UMPS: variants seen among roughly 807,000 people sequenced by gnomAD.
UMPS encodes uridine monophosphate synthetase.
In UMPS, 21 loss-of-function variants were observed where a neutral mutation model predicts 38.9. The ratio of observed to expected loss-of-function variants is 0.54; its 90% confidence interval spans 0.38 to 0.78. The LOEUF (loss-of-function observed/expected upper bound fraction) is 0.78. Ranked by LOEUF, UMPS falls within the 30% of genes least tolerant of loss-of-function variation. The pLI, the probability that UMPS is intolerant of heterozygous loss-of-function variation, is 0.00. For synonymous variants in UMPS, 208 were observed against 219.3 expected, an observed-to-expected ratio of 0.95 and a Z score of 0.45; for missense variants, 533 against 591.6, an observed-to-expected ratio of 0.90 and a Z score of 1.03.
chr3:124,746,474 AG>A lies in UMPS; in HGVS notation c.*2392del, dbSNP rs754732703. On this transcript the variant is annotated 3_prime_UTR_variant, in exon 6 of 6. Transcript: ENST00000232607. The stretch of plus-strand genomic sequence containing the variant: ...TCCCAGTCTGGCATCAAAGCTTTAG[AG>A]GACAAGTTGATTCAGGCAGAGAAGA... 4.4e-6 allele frequency: 2 copies of A among 453,214 alleles called. No individual in the cohort carries two copies. Among genetic ancestry groups the A allele is most frequent in the Admixed American group, 2.4e-5 (1 of 42,546 alleles). The allele number at this position is 453,214 out of a possible 1,614,324, so 28.1% of individuals were successfully genotyped here. A position where few individuals can be genotyped will look rare whatever the true frequency, so the allele number is the denominator to read the frequency against.
intron 3 of UMPS, chr3:124,738,858 C>G (rs1422971351): frequency 6.5e-6 from 1 of 152,694 alleles, no homozygotes; most frequent in African/African-American, 2.4e-5. Flanking sequence ...GTTCTACTGC[C>G]TATTCTATGC....
Position 124,742,275 on chromosome 3 carries a change from G to A in UMPS, c.1273+9G>A, listed in dbSNP as rs1403048276. ...TCAGTTGGAAGCAGGAGGTAAATCTGGTCACTGGTCGTGGCTCTTCCAAAA... is the reference window on the plus strand; with the variant it reads ...TCAGTTGGAAGCAGGAGGTAAATCTAGTCACTGGTCGTGGCTCTTCCAAAA... On this transcript the variant is annotated intron_variant, in intron 5 of 5. Transcript: ENST00000232607. 6.2e-7 allele frequency: 1 copy of A among 1,602,854 alleles called. No homozygotes were observed. Among genetic ancestry groups the A allele is most frequent in the South Asian group, 1.1e-5 (1 of 90,886 alleles).
In UMPS at chr3:124,744,484, G is replaced by A. The variant is rs763689895; in HGVS notation, c.*400G>A. The A allele has an allele frequency of 1.3e-5, 6 of 454,030 alleles. No homozygotes were observed. Among genetic ancestry groups the A allele is most frequent in the South Asian group, 4.7e-5 (3 of 64,468 alleles). 28.1% of individuals were successfully genotyped at this position (454,030 alleles called of 1,614,324 possible). A position where few individuals can be genotyped will look rare whatever the true frequency, so the allele number is the denominator to read the frequency against. ...GGATGGAGTGCAGTGGTGAGATCACGGCTCATTGCAGCCTCGACCTCCCAG... is the reference window on the plus strand; with the variant it reads ...GGATGGAGTGCAGTGGTGAGATCACAGCTCATTGCAGCCTCGACCTCCCAG... On this transcript the variant is annotated 3_prime_UTR_variant, in exon 6 of 6. Coordinates refer to ENST00000232607, the MANE Select transcript of UMPS (RefSeq NM_000373.4).
Position 124,744,576 on chromosome 3 carries a change from A to G in UMPS, c.*492A>G, listed in dbSNP as rs1466452464. 1 of 453,742 alleles carries G rather than the reference A, an allele frequency of 2.2e-6. No individual in the cohort carries two copies. Among genetic ancestry groups the G allele is most frequent in the Non-Finnish European group, 4.4e-6 (1 of 226,694 alleles). The allele number at this position is 453,742 out of a possible 1,614,324, so 28.1% of individuals were successfully genotyped here. ...GGCATGCACCACCACGTCCATCTAA[A>G]TTTCTTTATTATTTGTAGAGATGAG... On this transcript the variant is annotated 3_prime_UTR_variant, in exon 6 of 6. Transcript: ENST00000232607.
Position 124,744,162 on chromosome 3 carries a change from A to G in UMPS, c.*78A>G, listed in dbSNP as rs767861757. The G allele has an allele frequency of 1.3e-6, 2 of 1,545,222 alleles. No individual in the cohort carries two copies. Among genetic ancestry groups the G allele is most frequent in the Non-Finnish European group, 1.8e-6 (2 of 1,123,870 alleles). Reference sequence around the variant, plus strand: ...TCCTCCTGAAAGTCACTGGCTGGAAATAATCCAATTATTCCTGCTTGGATT... The same window carrying G: ...TCCTCCTGAAAGTCACTGGCTGGAAGTAATCCAATTATTCCTGCTTGGATT... On this transcript the variant is annotated 3_prime_UTR_variant, in exon 6 of 6. Coordinates refer to ENST00000232607, the MANE Select transcript of UMPS (RefSeq NM_000373.4).
At chr3:124,731,880 G>GAAAA (rs61322671) in intron 1 of UMPS, among the ~76,000 whole-genome samples, 2 of 121,496 alleles carry the variant, frequency 1.6e-5, no homozygotes, top group African/African-American at 3.2e-5. Context: ...GACTGTCTCA[G>GAAAA]AAAAAAAAAA....
chr3:124,742,416 C>A, intron 5 of UMPS, 150 bp downstream of exon 5: 1 of 664,760 alleles, frequency 1.5e-6, no homozygotes, highest in African/African-American at 1.8e-5. Context: ...AACTATGTAT[C>A]TTTGGACAAG....
At position 124,737,650 on chromosome 3, in the gene UMPS, T is replaced by C; in HGVS notation, c.393T>C (p.Ser131=). 6 of 1,614,242 alleles carry C rather than the reference T, an allele frequency of 3.7e-6. No individual in the cohort carries two copies. The East Asian group carries it at 1.3e-4, about 36-fold the overall frequency. ...IIEDVVTSGS[S]VLETVEVLQK... ...AAGATGTTGTCACCAGTGGATCTAG[T>C]GTTTTGGAAACTGTTGAGGTTCTTC... Residue 131 remains serine, a synonymous_variant, in exon 3 of 6, where the codon AGT becomes AGC. Coordinates refer to ENST00000232607, the MANE Select transcript of UMPS (RefSeq NM_000373.4).
At position 124,737,584 on chromosome 3, in the gene UMPS, A is replaced by G; in HGVS notation, c.327A>G (p.Val109=). 6.2e-7 allele frequency: 1 copy of G among 1,614,206 alleles called. No individual in the cohort carries two copies. The highest frequency in any genetic ancestry group is 8.5e-7 in the Non-Finnish European group (1 of 1,180,032). The part of the protein sequence containing the change: ...ETKDYGTKRL[V]EGTINPGETC... Reference sequence around the variant, plus strand: ...CTTTTCTAGGAACTAAGCGTCTTGTAGAAGGAACTATTAATCCAGGAGAAA... The same window carrying G: ...CTTTTCTAGGAACTAAGCGTCTTGTGGAAGGAACTATTAATCCAGGAGAAA... Residue 109 remains valine, a synonymous_variant, in exon 3 of 6, where the codon GTA becomes GTG. Transcript: ENST00000232607.
intron 4 of UMPS, among the ~76,000 whole-genome samples, 192 bp downstream of exon 4, chr3:124,740,391 G>A (rs954358973): frequency 6.6e-6 from 1 of 152,142 alleles, no homozygotes; most frequent in Non-Finnish European, 1.5e-5. Context: ...TCATGTAGTG[G>A]ACACTTCAGG....
chr3:124,747,798 T>G lies in UMPS; in HGVS notation c.*3714T>G, dbSNP rs1463668202. 2 of 450,382 alleles carry G rather than the reference T, an allele frequency of 4.4e-6. No individual in the cohort carries two copies. The highest frequency in any genetic ancestry group is 4.0e-5 in the African/African-American group (2 of 49,946). 27.9% of individuals were successfully genotyped at this position (450,382 alleles called of 1,614,324 possible). On this transcript the variant is annotated 3_prime_UTR_variant, in exon 6 of 6. Coordinates refer to ENST00000232607, the MANE Select transcript of UMPS (RefSeq NM_000373.4). ...TGCCTTCCCAACCATCACCTCTGGC[T>G]GCATCAGCGATCTCTCCCAGCGAAA...
intron 2 of UMPS, chr3:124,737,079 T>G (rs2063523001): frequency 6.4e-6 from 1 of 155,782 alleles, no homozygotes; most frequent in African/African-American, 2.4e-5. Flanking sequence ...TTTCATAACT[T>G]TCCTTGATCT....
chr3:124,740,262 A>C, intron 4 of UMPS, 63 bp downstream of exon 4: 1 of 1,496,784 alleles, frequency 6.7e-7, no homozygotes. Flanking sequence ...CTGCAAGAAG[A>C]TATCTCCTAA....
rs1175132535 is a variant in UMPS at position 124,745,829 on chromosome 3, T to C, written c.*1745T>C. 2.2e-6 allele frequency: 1 copy of C among 454,106 alleles called. No homozygotes were observed. Among genetic ancestry groups the C allele is most frequent in the East Asian group, 6.9e-5 (1 of 14,392 alleles). The allele number at this position is 454,106 out of a possible 1,614,324, so 28.1% of individuals were successfully genotyped here. On this transcript the variant is annotated 3_prime_UTR_variant, in exon 6 of 6. Transcript: ENST00000232607. Reference sequence around the variant, plus strand: ...GCCTTTGGAGTGATGTGCTGAGGTCTCAGGCGCCCACCTCCCTGGCTGTCA... The same window carrying C: ...GCCTTTGGAGTGATGTGCTGAGGTCCCAGGCGCCCACCTCCCTGGCTGTCA...
At position 124,738,060 on chromosome 3, in the gene UMPS, AG is replaced by A; in HGVS notation, c.804del (p.Gln268HisfsTer2). ...GTTTCACTGGCCAGAGAGCTGTTGC[AG>A]CTAGCAGATGCTTTAGGACCTAGTA... Reference protein sequence around the residue: ...ADVSLARELLQLADALGPSIC... With the variant: ...ADVSLARELLXLADALGPSIC... On this transcript the variant is annotated frameshift_variant, in exon 3 of 6. Transcript: ENST00000232607. LOFTEE classifies it high-confidence loss of function. 6.2e-7 allele frequency: 1 copy of A among 1,614,272 alleles called. No homozygotes were observed. Among genetic ancestry groups the A allele is most frequent in the Non-Finnish European group, 8.5e-7 (1 of 1,180,044 alleles).
intron 1 of UMPS, chr3:124,733,821 A>T (rs2063497845): frequency 6.6e-6 from 1 of 152,242 alleles, no homozygotes; most frequent in Non-Finnish European, 1.5e-5. Flanking sequence ...TGGTCATGGG[A>T]AATTTTTTTT....
intron 1 of UMPS, chr3:124,731,543 C>T: frequency 2.3e-6 from 1 of 435,300 alleles, no homozygotes; most frequent in Non-Finnish European, 4.6e-6. Context: ...TGGAGTGCAG[C>T]TCTGTGATCA....
intron 2 of UMPS, among the ~76,000 whole-genome samples, chr3:124,735,784 C>T (rs1295884241): frequency 6.6e-6 from 1 of 151,802 alleles, no homozygotes; most frequent in African/African-American, 2.4e-5. Flanking sequence ...CAAGACCAGC[C>T]TGACCAACGT....
At position 124,746,014 on chromosome 3, in the gene UMPS, C is replaced by T. The variant is rs138259729; in HGVS notation, c.*1930C>T. ...TCCAAAAAGGTCCCAGGTGATGCTG[C>T]GGTTGCCTGCGCAGGGACTGGACTT... On this transcript the variant is annotated 3_prime_UTR_variant, in exon 6 of 6. Transcript: ENST00000232607. 1.7e-4 allele frequency: 75 copies of T among 454,142 alleles called. No homozygotes were observed. The highest frequency in any genetic ancestry group is 2.4e-4 in the Non-Finnish European group (55 of 226,794). 28.1% of individuals were successfully genotyped at this position (454,142 alleles called of 1,614,324 possible). A position where few individuals can be genotyped will look rare whatever the true frequency, so the allele number is the denominator to read the frequency against.
Sources: gnomAD v4.1 joint callset for allele counts (sites outside exome capture counted in the v4.1 genomes callset) on GRCh38, gnomAD v4.1.1 for gene constraint, MANE v1.5 for transcripts, NCBI Gene and HGNC (gene_info 2026-07-23, HGNC 2026-07-21) for gene names.